Variants in CRYBB1 observed in about 807,000 individuals in gnomAD.
CRYBB1 encodes the protein crystallin beta B1.
Under a neutral mutation model 29.5 loss-of-function variants are expected in CRYBB1, and 16 were observed. The ratio of observed to expected loss-of-function variants is 0.54; its 90% CI spans 0.37 to 0.82. The LOEUF is 0.82. CRYBB1 is among the 40% of genes least tolerant of loss of function. CRYBB1 has a pLI of 0.00. For synonymous variants in CRYBB1, 127 were observed against 136.7 expected, an observed-to-expected ratio of 0.93 and a Z score of 0.49; for missense variants, 300 against 350.5, an observed-to-expected ratio of 0.86 and a Z score of 1.15.
Position 26,613,707 on chromosome 22 carries a change from G to A in CRYBB1, c.181-1517C>T, listed in dbSNP as rs373048483. 1.1e-4 allele frequency among the ~76,000 whole-genome samples: 16 copies of A among 152,294 alleles called. No homozygotes were observed. The East Asian group carries it at 3.1e-3, about 29-fold the overall frequency. Reference sequence around the variant, plus strand: ...ATTAACTGCACAAATTGTACAGCATGTGTGTTTGAGCAATATGAAATGTGG... The same window carrying A: ...ATTAACTGCACAAATTGTACAGCATATGTGTTTGAGCAATATGAAATGTGG... On this transcript the variant is annotated intron_variant, in intron 2 of 5. Transcript: ENST00000647684.
In CRYBB1 at chr22:26,607,908, G is replaced by T; in HGVS notation, c.413C>A (p.Ser138Tyr). The T allele has an allele frequency of 6.2e-7, 1 of 1,614,178 alleles. No homozygotes were observed. Among genetic ancestry groups the T allele is most frequent in the Non-Finnish European group, 8.5e-7 (1 of 1,180,036 alleles). ...ACTCACCATTTTGATGGGCCGGAAG[G>T]ACATGAGCCGATCACTGCGGTAGCT... ...SSSYRSDRLM[S>Y]FRPIKMDAQE... The change falls in exon 4 of 6, where the codon TCC (serine) becomes TAC (tyrosine). Residue 138 changes from serine to tyrosine, a missense_variant. Ser to Tyr is a moderately radical substitution (Grantham distance 144). Coordinates refer to ENST00000647684, the MANE Select transcript of CRYBB1 (RefSeq NM_001887.4).
At chr22:26,617,753 A>C (rs1034887267) in intron 1 of CRYBB1, among the ~76,000 whole-genome samples, 9 of 147,278 alleles carry the variant, frequency 6.1e-5, no homozygotes, top group Non-Finnish European at 1.2e-4. Context: ...TTATCTCTCT[A>C]TCTGTCCTTT....
rs556826922 is a variant in CRYBB1 at position 26,604,887 on chromosome 22, G to A, written c.433-2866C>T. Among the ~76,000 whole-genome samples, 10 of 152,302 alleles carry A rather than the reference G, an allele frequency of 6.6e-5. No homozygotes were observed. The South Asian group carries it at 1.9e-3, about 28-fold the overall frequency. Reference sequence around the variant, plus strand: ...TCAATGGCTCCCCACTGCTAGAGGGGTCAAGACTGAACTTGCCACCACCTA... The same window carrying A: ...TCAATGGCTCCCCACTGCTAGAGGGATCAAGACTGAACTTGCCACCACCTA... On this transcript the variant is annotated intron_variant, in intron 4 of 5. Transcript: ENST00000647684.
intron 3 of CRYBB1, among the ~76,000 whole-genome samples, chr22:26,611,456 T>TTTTG (rs1194800585): frequency 7.4e-6 from 1 of 134,742 alleles, no homozygotes; most frequent in Non-Finnish European, 1.6e-5. Context: ...TAGAGTTTGT[T>TTTTG]TTTTTTTTTT....
rs189942607 is a variant in CRYBB1 at position 26,612,373 on chromosome 22, T to C, written c.181-183A>G. ...TTACTGATTTTTGTTTTTTGTTTGT[T>C]TGTTTGTTTTTCTGAGTCTCACTCT... On this transcript the variant is annotated intron_variant, in intron 2 of 5. Transcript: ENST00000647684. Among the ~76,000 whole-genome samples, 8 of 152,286 alleles carry C rather than the reference T, an allele frequency of 5.3e-5. No homozygotes were observed. In the East Asian group the frequency reaches 1.3e-3, roughly 26 times the overall value.
intron 5 of CRYBB1, 104 bp from the exon 6 acceptor site, chr22:26,599,777 C>G: frequency 1.1e-6 from 1 of 887,834 alleles, no homozygotes. Flanking sequence ...CTGCAGTCGG[C>G]TGCTCTCTCA....
At chr22:26,611,750 A>T (rs1480323575) in intron 3 of CRYBB1, among the ~76,000 whole-genome samples, 5 of 152,216 alleles carry the variant, frequency 3.3e-5, no homozygotes, top group Non-Finnish European at 5.9e-5. Flanking sequence ...CTGGGATTAC[A>T]GGCGTGAGCC....
intron 1 of CRYBB1, among the ~76,000 whole-genome samples, chr22:26,617,408 T>C (rs928875451): frequency 6.6e-6 from 1 of 152,218 alleles, no homozygotes; most frequent in African/African-American, 2.4e-5. Context: ...GCGGAGCTAG[T>C]TGGGATAAGC....
At chr22:26,616,429 G>A in intron 1 of CRYBB1, 91 bp from the exon 2 acceptor site, 1 of 852,726 alleles carries the variant, frequency 1.2e-6, no homozygotes, top group Non-Finnish European at 1.9e-6. Context: ...CCTCCTTGGA[G>A]CTCGTTTCCT....
chr22:26,608,129 T>G, intron 3 of CRYBB1, 108 bp from the exon 4 acceptor site: 3 of 1,525,080 alleles, frequency 2.0e-6, no homozygotes, highest in Non-Finnish European at 2.7e-6. Context: ...CTGAGGACAG[T>G]AGGAAAGTCC....
At chr22:26,615,133 G>A (rs1359039173) in intron 2 of CRYBB1, among the ~76,000 whole-genome samples, 3 of 152,156 alleles carry the variant, frequency 2.0e-5, no homozygotes, top group Non-Finnish European at 4.4e-5. Flanking sequence ...AACCTGCCAC[G>A]CACTGACCAC....
chr22:26,617,552 T>G (rs1169687387), intron 1 of CRYBB1, among the ~76,000 whole-genome samples: 1 of 152,124 alleles, frequency 6.6e-6, no homozygotes, highest in Admixed American at 6.5e-5. Context: ...GCTGGACTCA[T>G]GCCTTCCTGG....
Position 26,612,143 on chromosome 22 carries a change from G to C in CRYBB1, c.228C>G (p.Phe76Leu). 1 of 1,614,008 alleles carries C rather than the reference G, an allele frequency of 6.2e-7. No homozygotes were observed. Among genetic ancestry groups the C allele is most frequent in the South Asian group, 1.1e-5 (1 of 91,070 alleles). The change falls in exon 3 of 6, where the codon TTC becomes TTG. Residue 76 changes from phenylalanine to leucine, a missense_variant. Phe to Leu is a conservative substitution (Grantham distance 22). Coordinates refer to ENST00000647684, the MANE Select transcript of CRYBB1 (RefSeq NM_001887.4). The stretch of plus-strand genomic sequence containing the variant: ...CTGCCAGATTTGAGCACTCCCCCGA[G>C]AATTCTGCTCGACGGCCCTGGAAGT... Reference protein sequence around the residue: ...LENFQGRRAEFSGECSNLADR... With the variant: ...LENFQGRRAELSGECSNLADR...
intron 5 of CRYBB1, among the ~76,000 whole-genome samples, chr22:26,601,075 TG>T (rs1214172492): frequency 1.3e-5 from 2 of 152,124 alleles, no homozygotes; most frequent in Non-Finnish European, 2.9e-5. Context: ...ATGGCTTGAA[TG>T]GCAGGGATAT....
intron 1 of CRYBB1, among the ~76,000 whole-genome samples, chr22:26,617,749 CTCTA>C (rs1320632032): frequency 2.0e-5 from 3 of 152,104 alleles, no homozygotes; most frequent in African/African-American, 7.2e-5. Flanking sequence ...TTGCTTATCT[CTCTA>C]TCTGTCCTTT....
chr22:26,614,373 G>C (rs886621355), intron 2 of CRYBB1, among the ~76,000 whole-genome samples: 1 of 152,068 alleles, frequency 6.6e-6, no homozygotes, highest in African/African-American at 2.4e-5. Context: ...TTTCTCTTTT[G>C]TACTCTGTCC....
At chr22:26,607,220 G>A (rs187633858) in intron 4 of CRYBB1, among the ~76,000 whole-genome samples, 2 of 151,500 alleles carry the variant, frequency 1.3e-5, no homozygotes, top group African/African-American at 4.8e-5. Flanking sequence ...ACGGGGTTTC[G>A]TCATGTTGAT....
intron 2 of CRYBB1, among the ~76,000 whole-genome samples, chr22:26,614,372 T>C (rs1929276368): frequency 6.6e-6 from 1 of 152,212 alleles, no homozygotes; most frequent in South Asian, 2.1e-4. Flanking sequence ...TTTTCTCTTT[T>C]GTACTCTGTC....
At chr22:26,601,853 G>A (rs755705535) in intron 5 of CRYBB1, 26 bp downstream of exon 5, 19 of 1,611,416 alleles carry the variant, frequency 1.2e-5, no homozygotes, top group South Asian at 2.2e-5. Context: ...AGCAGGGGAC[G>A]CGGACCTGGC....
Sources: gnomAD v4.1 joint callset for allele counts (sites outside exome capture counted in the v4.1 genomes callset) on GRCh38, gnomAD v4.1.1 for gene constraint, MANE v1.5 for transcripts, NCBI Gene and HGNC (gene_info 2026-07-23, HGNC 2026-07-21) for gene names.